Variants in ABLIM1 observed in about 807,000 individuals in gnomAD.
The protein encoded by ABLIM1 is actin-binding LIM protein 1.
In ABLIM1, 40 loss-of-function variants were observed where a neutral mutation model predicts 107.0. The ratio of observed to expected loss-of-function variants is 0.37; its 90% CI spans 0.29 to 0.49. The LOEUF (loss-of-function observed/expected upper bound fraction) is 0.49. Ranked by LOEUF, ABLIM1 falls within the 20% of genes least tolerant of loss-of-function variation. ABLIM1 has a pLI of 0.97. For synonymous variants in ABLIM1, 357 were observed against 357.3 expected (o/e 1.00, Z 0.01); for missense variants, 857 against 1,008.5 (o/e 0.85, Z 2.04).
At chr10:114,514,407 T>C (rs1487350094) in intron 6 of ABLIM1, among the ~76,000 whole-genome samples, 1 of 152,178 alleles carries the variant, frequency 6.6e-6, no homozygotes, top group African/African-American at 2.4e-5. Context: ...AGGGTCTCAC[T>C]ATGTTGCCCA....
intron 1 of ABLIM1, among the ~76,000 whole-genome samples, chr10:114,730,982 T>C (rs1024760443): frequency 6.6e-6 from 1 of 152,200 alleles, no homozygotes; most frequent in Non-Finnish European, 1.5e-5. Context: ...ATAGCATGCA[T>C]GAGCTCTACT....
chr10:114,719,152 C>T (rs550680701), intron 1 of ABLIM1, among the ~76,000 whole-genome samples: 1 of 152,278 alleles, frequency 6.6e-6, no homozygotes, highest in Admixed American at 6.5e-5. Flanking sequence ...AAAAAAAACA[C>T]CATTGATCTC....
At chr10:114,554,803 T>C (rs2068521202) in intron 4 of ABLIM1, among the ~76,000 whole-genome samples, 1 of 152,188 alleles carries the variant, frequency 6.6e-6, no homozygotes, top group Admixed American at 6.5e-5. Flanking sequence ...CCTGTGTGTC[T>C]TGGCCTATCC....
At chr10:114,492,308 T>C (rs1490088439) in intron 6 of ABLIM1, among the ~76,000 whole-genome samples, 13 of 151,984 alleles carry the variant, frequency 8.6e-5, no homozygotes, top group Admixed American at 8.5e-4. Flanking sequence ...AATCTGAAAA[T>C]AATAAAATCT....
upstream of ABLIM1, among the ~76,000 whole-genome samples, chr10:114,659,758 C>T (rs916556170): frequency 6.6e-5 from 10 of 152,128 alleles, no homozygotes; most frequent in Admixed American, 1.3e-4. Context: ...CACTGATCTA[C>T]GCCAGCCTTT....
intron 6 of ABLIM1, among the ~76,000 whole-genome samples, chr10:114,544,290 T>G (rs2067046585): frequency 6.6e-6 from 1 of 152,138 alleles, no homozygotes; most frequent in Non-Finnish European, 1.5e-5. Flanking sequence ...TCTTACTTCT[T>G]CCTTGGACCT....
chr10:114,655,639 G>T lies in ABLIM1; in HGVS notation c.244+2318C>A, dbSNP rs572480752. Among the ~76,000 whole-genome samples, 19 of 152,322 alleles carry T rather than the reference G, an allele frequency of 1.2e-4. 1 individual carries two copies. In the South Asian group the frequency reaches 3.1e-3, roughly 25 times the overall value. ...AGGGATTCTAGGTATCCCCTAGTAT[G>T]TGGATCTGATTTTTGAGGGAGGTGT... On this transcript the variant is annotated intron_variant, in intron 1 of 22. Transcript: ENST00000533213.
intron 1 of ABLIM1, among the ~76,000 whole-genome samples, chr10:114,761,771 G>T (rs2082751585): frequency 1.3e-5 from 2 of 152,038 alleles, no homozygotes; most frequent in South Asian, 4.1e-4. Context: ...GGCTTCCTAG[G>T]TTCAGTACTC....
At chr10:114,615,894 A>C (rs547558479) in intron 1 of ABLIM1, among the ~76,000 whole-genome samples, 1 of 152,072 alleles carries the variant, frequency 6.6e-6, no homozygotes, top group Admixed American at 6.5e-5. Flanking sequence ...CTGAATGAGA[A>C]CCACACAACA....
intron 2 of ABLIM1, among the ~76,000 whole-genome samples, chr10:114,578,203 T>C (rs1049271023): frequency 2.0e-5 from 3 of 152,218 alleles, no homozygotes; most frequent in Non-Finnish European, 4.4e-5. Context: ...CCCCAAGCTT[T>C]AGACCCTGAT....
chr10:114,654,496 G>C (rs1381663151), intron 1 of ABLIM1, among the ~76,000 whole-genome samples: 4 of 151,864 alleles, frequency 2.6e-5, no homozygotes, highest in Non-Finnish European at 5.9e-5. Flanking sequence ...TTTTAAAATT[G>C]AGATAGGGTC....
At chr10:114,623,571 TACCCACAGAAACG>T (rs1160844833) in intron 1 of ABLIM1, among the ~76,000 whole-genome samples, 2 of 152,224 alleles carry the variant, frequency 1.3e-5, no homozygotes, top group Non-Finnish European at 2.9e-5. Flanking sequence ...CTGGTCATTT[TACCCACAGAAACG>T]ACAGATTACC....
At chr10:114,791,030 T>G in the ABLIM1 span, among the ~76,000 whole-genome samples, 3 of 151,832 alleles carry the variant, frequency 2.0e-5, no homozygotes, top group Admixed American at 2.0e-4. Flanking sequence ...TTATCCTTTT[T>G]AAAAAAAAAT....
intron 2 of ABLIM1, among the ~76,000 whole-genome samples, chr10:114,578,352 C>T (rs2072880243): frequency 6.6e-6 from 1 of 152,030 alleles, no homozygotes; most frequent in South Asian, 2.1e-4. Context: ...CCTTTCTCAT[C>T]AAAATGGTAG....
In ABLIM1 at chr10:114,556,218, G is replaced by C. The variant is rs530099679; in HGVS notation, c.674-8442C>G. On this transcript the variant is annotated intron_variant, in intron 4 of 22. Coordinates refer to ENST00000533213, the MANE Select transcript of ABLIM1 (RefSeq NM_002313.7). Reference sequence around the variant, plus strand: ...ATAAAATGGTGGAGGTGGAATGTGGGAGAATACTCATTCTATCCGAAAGAG... The same window carrying C: ...ATAAAATGGTGGAGGTGGAATGTGGCAGAATACTCATTCTATCCGAAAGAG... 1.1e-4 allele frequency among the ~76,000 whole-genome samples: 16 copies of C among 152,208 alleles called. No homozygotes were observed. In the South Asian group the frequency reaches 1.4e-3, roughly 14 times the overall value.
intron 1 of ABLIM1, among the ~76,000 whole-genome samples, chr10:114,665,896 A>G (rs1429769090): frequency 6.6e-6 from 1 of 152,242 alleles, no homozygotes; most frequent in Non-Finnish European, 1.5e-5. Context: ...CCAAAAGGGA[A>G]TCCCAGGCCT....
chr10:114,702,295 GT>G (rs1383635614), intron 1 of ABLIM1, among the ~76,000 whole-genome samples: 5 of 152,132 alleles, frequency 3.3e-5, no homozygotes, highest in Non-Finnish European at 5.9e-5. Flanking sequence ...TTTAAAAAAT[GT>G]TGGCTTTTGA....
upstream of ABLIM1, among the ~76,000 whole-genome samples, chr10:114,688,829 T>C (rs1056395590): frequency 5.9e-5 from 9 of 152,214 alleles, no homozygotes; most frequent in Non-Finnish European, 8.8e-5. Flanking sequence ...GCCATTTTCA[T>C]GCCTGAAGTA....
At chr10:114,689,861 T>C (rs191281329), upstream of ABLIM1, among the ~76,000 whole-genome samples, 175 of 152,274 alleles carry the variant, frequency 1.1e-3, no homozygotes, top group African/African-American at 4.1e-3. Flanking sequence ...CCTGACTTGA[T>C]GCTTATCCTA....
Sources: allele counts gnomAD v4.1 joint callset (sites outside exome capture counted in the v4.1 genomes callset), GRCh38; gene constraint gnomAD v4.1.1; transcripts MANE v1.5; gene names NCBI Gene and HGNC (gene_info 2026-07-23, HGNC 2026-07-21).